The following NRP1 variants were observed in gnomAD, a reference collection of about 807,000 sequenced individuals.
NRP1 encodes neuropilin 1, also known as neuropilin-1.
A neutral mutation model predicts 106.7 loss-of-function variants in NRP1; 35 were observed. The ratio of observed to expected loss-of-function variants is 0.33; its 90% CI spans 0.25 to 0.43. The LOEUF is 0.43. NRP1 is among the 20% of genes least tolerant of loss of function. The pLI, the probability that NRP1 is intolerant of heterozygous loss-of-function variation, is 1.00. For synonymous variants in NRP1, 437 were observed against 417.9 expected (o/e 1.05, Z -0.56); for missense variants, 1,024 against 1,170.4 (o/e 0.87, Z 1.83).
chr10:33,279,639 G>C (rs1410649234), intron 2 of NRP1, among the ~76,000 whole-genome samples: 2 of 152,094 alleles, frequency 1.3e-5, no homozygotes, highest in Admixed American at 6.6e-5. Context: ...TCCTAGATTC[G>C]TGTTTGATTG....
Position 33,293,841 on chromosome 10 carries a change from T to C in NRP1, c.249-22985A>G, listed in dbSNP as rs147728845. ...CACTATTACCACACGATGGATTTTATCAATTTCTGAATATCCATGTGAATG... is the reference window on the plus strand; with the variant it reads ...CACTATTACCACACGATGGATTTTACCAATTTCTGAATATCCATGTGAATG... On this transcript the variant is annotated intron_variant, in intron 2 of 16. Transcript: ENST00000374867. Among the ~76,000 whole-genome samples the C allele has an allele frequency of 1.6e-4, 24 of 152,330 alleles. No individual in the cohort carries two copies. In the East Asian group the frequency reaches 4.2e-3, roughly 27 times the overall value.
chr10:33,193,710 G>A (rs993689816), intron 12 of NRP1, among the ~76,000 whole-genome samples: 2 of 152,206 alleles, frequency 1.3e-5, no homozygotes, highest in African/African-American at 4.8e-5. Flanking sequence ...TATTAACAAA[G>A]TATCTCGCCT....
rs546210692 is a variant in NRP1, at chr10:33,267,990, T to C, written c.430+2685A>G. 2.0e-5 allele frequency among the ~76,000 whole-genome samples: 3 copies of C among 152,248 alleles called. No individual in the cohort carries two copies. The South Asian group carries it at 6.2e-4, about 32-fold the overall frequency. On this transcript the variant is annotated intron_variant, in intron 3 of 16. Transcript: ENST00000374867. ...AACCTCAAGGCCATTCTGGTTGCAT[T>C]AAACTATGATTAGTGTAATTTATGT...
At position 33,185,527 on chromosome 10, in the gene NRP1, C is replaced by T. The variant is rs926786969; in HGVS notation, c.2431+101G>A. 6.6e-5 allele frequency: 58 copies of T among 875,534 alleles called. No individual in the cohort carries two copies. In the East Asian group the frequency reaches 1.1e-3, roughly 16 times the overall value. The allele number at this position is 875,534 out of a possible 1,614,324, so 54.2% of individuals were successfully genotyped here. A position where few individuals can be genotyped will look rare whatever the true frequency, so the allele number is the denominator to read the frequency against. ...CCTATGATGTGCCGAGAGGCCACAC[C>T]GAAATTCTAGGTAGAAATGAGCAAA... On this transcript the variant is annotated intron_variant, in intron 15 of 16. Coordinates refer to ENST00000374867, the MANE Select transcript of NRP1 (RefSeq NM_003873.7).
intron 6 of NRP1, among the ~76,000 whole-genome samples, chr10:33,244,298 G>A (rs1393198794): frequency 6.6e-6 from 1 of 152,154 alleles, no homozygotes; most frequent in Non-Finnish European, 1.5e-5. Context: ...CCTCACACGC[G>A]ACATAAATGT....
In NRP1 at chr10:33,263,647, A is replaced by G; in HGVS notation, c.657T>C (p.Asp219=). Residue 219 remains aspartate, a splice_region_variant and synonymous_variant, in exon 4 of 17, where the codon GAT becomes GAC. Transcript: ENST00000374867. ...TGGGGTGCTTCCTGTCATTCTTACC[A>G]TCAGGGAATCCATCCCAGATTTCTA... ...DRLEIWDGFP[D]VGPHIGRYCG... is the part of the protein sequence containing the mutation. 1 of 1,612,640 alleles carries G rather than the reference A, an allele frequency of 6.2e-7. No homozygotes were observed. The highest frequency in any genetic ancestry group is 8.5e-7 in the Non-Finnish European group (1 of 1,178,754).
At chr10:33,237,487 G>GCGTGCGCA (rs1554788780) in intron 6 of NRP1, among the ~76,000 whole-genome samples, 1 of 144,758 alleles carries the variant, frequency 6.9e-6, no homozygotes, top group African/African-American at 2.6e-5. Flanking sequence ...ACATGCGCGC[G>GCGTGCGCA]CACACACACA....
chr10:33,258,186 C>T (rs532106912), intron 4 of NRP1, among the ~76,000 whole-genome samples: 92 of 152,260 alleles, frequency 6.0e-4, no homozygotes, highest in Non-Finnish European at 1.2e-3. Flanking sequence ...GCCACTGTTT[C>T]GTGGATTGCA....
intron 13 of NRP1, among the ~76,000 whole-genome samples, chr10:33,189,535 C>A (rs1217378250): frequency 6.6e-6 from 1 of 152,208 alleles, no homozygotes; most frequent in African/African-American, 2.4e-5. Flanking sequence ...TTCCTTTACA[C>A]GTGTATTTCC....
At chr10:33,288,891 T>A (rs1382915408) in intron 2 of NRP1, among the ~76,000 whole-genome samples, 1 of 151,714 alleles carries the variant, frequency 6.6e-6, no homozygotes, top group Non-Finnish European at 1.5e-5. Flanking sequence ...TTTAGGGGGG[T>A]CTTGTGTGCC....
rs75247077 is a variant in NRP1, at chr10:33,235,438, C to T, written c.982-9149G>A. ...TTAGTGTGATGGAAACAGCATCAGG[C>T]TCTGAAAGGCCTTTGTTTGAGAGCA... On this transcript the variant is annotated intron_variant, in intron 6 of 16. Coordinates refer to ENST00000374867, the MANE Select transcript of NRP1 (RefSeq NM_003873.7). 6.5e-3 allele frequency among the ~76,000 whole-genome samples: 984 copies of T among 152,354 alleles called. 4 individuals carry two copies. The highest frequency in any genetic ancestry group is 9.9e-3 in the Non-Finnish European group (671 of 68,026).
intron 10 of NRP1, among the ~76,000 whole-genome samples, chr10:33,204,796 A>T (rs1317164452): frequency 6.6e-6 from 1 of 151,984 alleles, no homozygotes; most frequent in Non-Finnish European, 1.5e-5. Context: ...CAATGGCATG[A>T]TCTCAGCTCA....
In NRP1 at chr10:33,249,084, G is replaced by GTTTTT. The variant is rs750905931; in HGVS notation, c.981+4939_981+4943dup. On this transcript the variant is annotated intron_variant, in intron 6 of 16. Coordinates refer to ENST00000374867, the MANE Select transcript of NRP1 (RefSeq NM_003873.7). ...ATCCCACCCAGGTATTATGTCTCTT[G>GTTTTT]TTTTTTTTTTTTTTTTTTTTTTTTG... is the stretch of plus-strand genomic sequence containing the variant. Among the ~76,000 whole-genome samples the GTTTTT allele has an allele frequency of 3.1e-3, 223 of 72,208 alleles. 21 individuals are homozygous for GTTTTT. Among genetic ancestry groups the GTTTTT allele is most frequent in the African/African-American group, 7.0e-3 (122 of 17,356 alleles). The allele number at this position is 72,208 out of a possible 152,430, so 47.4% of individuals were successfully genotyped here. A position where few individuals can be genotyped will look rare whatever the true frequency, so the allele number is the denominator to read the frequency against.
chr10:33,279,626 G>A (rs770695422), intron 2 of NRP1, among the ~76,000 whole-genome samples: 13 of 152,210 alleles, frequency 8.5e-5, no homozygotes, highest in South Asian at 8.3e-4. Context: ...CTTTTGCAGC[G>A]GCTCCTAGAT....
At chr10:33,323,198 C>T (rs1403652773) in intron 2 of NRP1, among the ~76,000 whole-genome samples, 7 of 151,782 alleles carry the variant, frequency 4.6e-5, no homozygotes, top group Middle Eastern at 3.4e-3. Flanking sequence ...TGAGAAGCCC[C>T]CCCATCCTTC....
At position 33,306,355 on chromosome 10, in the gene NRP1, G is replaced by GGTGTGTGTGTGTGTGT. The variant is rs61242197; in HGVS notation, c.248+24337_248+24352dup. ...GCTTTTGCATTCTGCGGGTCAGAAG[G>GGTGTGTGTGTGTGTGT]GTGTGTGTGTGTGTGTGTGTGTGTG... On this transcript the variant is annotated intron_variant, in intron 2 of 16. Coordinates refer to ENST00000374867, the MANE Select transcript of NRP1 (RefSeq NM_003873.7). Among the ~76,000 whole-genome samples the GGTGTGTGTGTGTGTGT allele has an allele frequency of 9.7e-3, 1,436 of 148,110 alleles. 10 individuals are homozygous for GGTGTGTGTGTGTGTGT. Among genetic ancestry groups the GGTGTGTGTGTGTGTGT allele is most frequent in the South Asian group, 0.014 (64 of 4,576 alleles).
At chr10:33,278,451 T>A (rs1843871311) in intron 2 of NRP1, among the ~76,000 whole-genome samples, 1 of 152,216 alleles carries the variant, frequency 6.6e-6, no homozygotes, top group Non-Finnish European at 1.5e-5. Flanking sequence ...CATCAGTGGC[T>A]GCTGGATGTA....
chr10:33,249,954 C>T (rs1355127992), intron 6 of NRP1, among the ~76,000 whole-genome samples: 4 of 151,948 alleles, frequency 2.6e-5, no homozygotes, highest in African/African-American at 9.7e-5. Flanking sequence ...GGAACCGAAG[C>T]TTGTTCCTGT....
chr10:33,210,677 C>T (rs1838231767), intron 9 of NRP1, among the ~76,000 whole-genome samples: 1 of 152,330 alleles, frequency 6.6e-6, no homozygotes, highest in East Asian at 1.9e-4. Context: ...TCTGATATAG[C>T]TTGCCCATTA....
Sources: gnomAD v4.1 joint callset for allele counts (sites outside exome capture counted in the v4.1 genomes callset) on GRCh38, gnomAD v4.1.1 for gene constraint, MANE v1.5 for transcripts, NCBI Gene and HGNC (gene_info 2026-07-23, HGNC 2026-07-21) for gene names.